The following PRKD1 variants were observed in gnomAD, a reference collection of about 807,000 sequenced individuals.
PRKD1 encodes the protein serine/threonine-protein kinase D1.
In PRKD1, 63 loss-of-function variants were observed where a neutral mutation model predicts 95.9. The ratio of observed to expected loss-of-function variants is 0.66; its 90% CI spans 0.54 to 0.81. The LOEUF (loss-of-function observed/expected upper bound fraction) is 0.81, where lower values mean the gene tolerates loss of function less well. Among genes scored for constraint, PRKD1 ranks in the 30% least tolerant of loss-of-function variants. PRKD1 has a pLI of 0.00. For synonymous variants in PRKD1, 425 were observed against 423.1 expected (o/e 1.00, Z -0.05); for missense variants, 1,048 against 1,165.3 (o/e 0.90, Z 1.47).
At chr14:29,909,776 A>T (rs1894637371) in intron 1 of PRKD1, among the ~76,000 whole-genome samples, 1 of 152,054 alleles carries the variant, frequency 6.6e-6, no homozygotes, top group South Asian at 2.1e-4. Flanking sequence ...GGACTTGGAG[A>T]ATCTTTACGT....
In PRKD1 at chr14:29,705,010, C is replaced by T. The variant is rs984164962; in HGVS notation, c.403+20526G>A. ...CTGCATAAAATGCCACTTTAGATTGCTCTGCCCTGACAAGAGTGGAAAATC... is the reference window on the plus strand; with the variant it reads ...CTGCATAAAATGCCACTTTAGATTGTTCTGCCCTGACAAGAGTGGAAAATC... On this transcript the variant is annotated intron_variant, in intron 2 of 17. Transcript: ENST00000331968. Among the ~76,000 whole-genome samples, 3 of 152,064 alleles carry T rather than the reference C, an allele frequency of 2.0e-5. No individual in the cohort carries two copies. In the East Asian group the frequency reaches 5.8e-4, roughly 29 times the overall value.
chr14:29,825,596 A>G (rs10131162), intron 1 of PRKD1, among the ~76,000 whole-genome samples: 111,937 of 151,884 alleles, frequency 0.74, 41,342 homozygotes, highest in Middle Eastern at 0.77. Context: ...CAAAGGGATC[A>G]TTATTTAAAA....
Position 29,661,983 on chromosome 14 carries a change from A to G in PRKD1, c.696+1716T>C, listed in dbSNP as rs61977974. Among the ~76,000 whole-genome samples, 839 of 152,338 alleles carry G rather than the reference A, an allele frequency of 5.5e-3. 5 individuals are homozygous for G. The highest frequency in any genetic ancestry group is 7.4e-3 in the Non-Finnish European group (503 of 68,010). ...TTCAACATTTTATGTAACGTATCAAATAATTCAAATAATTTAGTGGTTATT... is the reference window on the plus strand; with the variant it reads ...TTCAACATTTTATGTAACGTATCAAGTAATTCAAATAATTTAGTGGTTATT... On this transcript the variant is annotated intron_variant, in intron 4 of 17. Transcript: ENST00000331968.
In PRKD1 at chr14:29,655,327, T is replaced by C. The variant is rs187935159; in HGVS notation, c.696+8372A>G. Among the ~76,000 whole-genome samples, 7 of 152,330 alleles carry C rather than the reference T, an allele frequency of 4.6e-5. No homozygotes were observed. The East Asian group carries it at 1.3e-3, about 29-fold the overall frequency. On this transcript the variant is annotated intron_variant, in intron 4 of 17. Transcript: ENST00000331968. The stretch of plus-strand genomic sequence containing the variant: ...TTTCAAAAATAGGAATTTACTATTA[T>C]TGAAGCAGATGTCTTCATCCTGTAG...
intron 1 of PRKD1, among the ~76,000 whole-genome samples, chr14:29,862,356 G>C: frequency 6.6e-6 from 1 of 152,152 alleles, no homozygotes; most frequent in South Asian, 2.1e-4. Flanking sequence ...TCAATACACT[G>C]ATTTCCTTTT....
intron 1 of PRKD1, among the ~76,000 whole-genome samples, chr14:29,730,455 A>C (rs926223500): frequency 1.3e-5 from 2 of 152,140 alleles, no homozygotes; most frequent in African/African-American, 2.4e-5. Flanking sequence ...AACAGTATGG[A>C]GGTTCTTCAA....
At chr14:29,698,361 T>C (rs1408927609) in intron 2 of PRKD1, among the ~76,000 whole-genome samples, 2 of 152,130 alleles carry the variant, frequency 1.3e-5, no homozygotes, top group African/African-American at 2.4e-5. Context: ...TTTTTCTTTT[T>C]TACAGTTTTG....
Position 29,923,686 on chromosome 14 carries a change from A to G in PRKD1, c.264+3563T>C, listed in dbSNP as rs190454528. ...ATATGCCAGGAGTCTTATAAATGCT[A>G]TTACTCCATTTAAGTACATTTAAGA... On this transcript the variant is annotated intron_variant, in intron 1 of 17. Transcript: ENST00000331968. Among the ~76,000 whole-genome samples the G allele has an allele frequency of 5.8e-4, 88 of 152,168 alleles. No homozygotes were observed. In the Middle Eastern group the frequency reaches 0.01, roughly 18 times the overall value.
chr14:29,747,009 T>C (rs1480365244), intron 1 of PRKD1, among the ~76,000 whole-genome samples: 1 of 152,204 alleles, frequency 6.6e-6, no homozygotes, highest in Non-Finnish European at 1.5e-5. Context: ...ATCGGCAACA[T>C]ACTGTAAGTA....
In PRKD1 at chr14:29,599,815, G is replaced by A. The variant is rs769819593; in HGVS notation, c.1908C>T (p.Asn636=). The stretch of plus-strand genomic sequence containing the variant: ...AATTTACAACACCAGGGTGATGAAG[G>A]TTCTATTAAAGATAAATAAAGCACT... The part of the protein sequence containing the change: ...QLRNEVAILQ[N]LHHPGVVNLE... Residue 636 remains asparagine (N), a splice_region_variant and synonymous_variant, in exon 14 of 18, where the codon AAC becomes AAT. Transcript: ENST00000331968. 1.2e-5 allele frequency: 19 copies of A among 1,603,540 alleles called. No individual in the cohort carries two copies. The East Asian group carries it at 2.9e-4, about 25-fold the overall frequency.
intron 1 of PRKD1, among the ~76,000 whole-genome samples, chr14:29,760,493 C>A (rs1221806304): frequency 6.6e-6 from 1 of 151,642 alleles, no homozygotes; most frequent in Non-Finnish European, 1.5e-5. Context: ...GTAGCTGGGA[C>A]TACAGGTTTG....
At chr14:29,890,578 C>T (rs1246135198) in intron 1 of PRKD1, among the ~76,000 whole-genome samples, 1 of 152,126 alleles carries the variant, frequency 6.6e-6, no homozygotes, top group Non-Finnish European at 1.5e-5. Context: ...AGGCAATAAC[C>T]TTAAAAAATT....
chr14:29,806,885 G>C (rs1381101300), intron 1 of PRKD1, among the ~76,000 whole-genome samples: 2 of 152,036 alleles, frequency 1.3e-5, no homozygotes, highest in Admixed American at 6.5e-5. Flanking sequence ...ATTCAGTTCA[G>C]ATCACAACAA....
At chr14:29,855,919 T>C (rs1892481910) in intron 1 of PRKD1, among the ~76,000 whole-genome samples, 1 of 152,238 alleles carries the variant, frequency 6.6e-6, no homozygotes, top group East Asian at 1.9e-4. Context: ...TCTACAACCA[T>C]GTGGAACTGT....
At chr14:29,926,947 C>T (rs1895321240) in intron 1 of PRKD1, among the ~76,000 whole-genome samples, 1 of 151,300 alleles carries the variant, frequency 6.6e-6, no homozygotes, top group Admixed American at 6.6e-5. Flanking sequence ...AGGGGCGCGG[C>T]GAGGAAAGGG....
intron 1 of PRKD1, among the ~76,000 whole-genome samples, chr14:29,874,623 G>A (rs928582914): frequency 1.3e-5 from 2 of 152,054 alleles, no homozygotes; most frequent in African/African-American, 4.8e-5. Context: ...AAGACAATGT[G>A]GTCTACATAC....
chr14:29,874,986 T>G (rs1855483963), intron 1 of PRKD1, among the ~76,000 whole-genome samples: 1 of 152,156 alleles, frequency 6.6e-6, no homozygotes, highest in African/African-American at 2.4e-5. Flanking sequence ...CTAGAAGACT[T>G]GATCATTACA....
In PRKD1 at chr14:29,783,923, A is replaced by C. The variant is rs554993940; in HGVS notation, c.265-58249T>G. 2.6e-5 allele frequency among the ~76,000 whole-genome samples: 4 copies of C among 152,322 alleles called. No individual in the cohort carries two copies. In the East Asian group the frequency reaches 7.7e-4, roughly 29 times the overall value. Reference sequence around the variant, plus strand: ...GAATAGTTAGTGAATATTTTCTTCCATTCTACAGGTCATCTACTCATTCTA... The same window carrying C: ...GAATAGTTAGTGAATATTTTCTTCCCTTCTACAGGTCATCTACTCATTCTA... On this transcript the variant is annotated intron_variant, in intron 1 of 17. Transcript: ENST00000331968.
chr14:29,767,797 G>A (rs1041286078), intron 1 of PRKD1, among the ~76,000 whole-genome samples: 1 of 152,132 alleles, frequency 6.6e-6, no homozygotes, highest in Non-Finnish European at 1.5e-5. Context: ...TAAAGTGACT[G>A]ATTTCACTTT....
Sources: gnomAD v4.1 joint callset for allele counts (sites outside exome capture counted in the v4.1 genomes callset) on GRCh38, gnomAD v4.1.1 for gene constraint, MANE v1.5 for transcripts, NCBI Gene and HGNC (gene_info 2026-07-23, HGNC 2026-07-21) for gene names.